The following PTN variants were observed in gnomAD, a reference collection of about 807,000 sequenced individuals.
PTN encodes the protein heparin affin regulatory protein.
PTN carries 18 observed loss-of-function variants against 24.1 expected under a neutral mutation model. The observed-to-expected ratio is 0.75, with a 90% CI of 0.52 to 1.11. The LOEUF is 1.11. Ranked by LOEUF, PTN falls within the 50% of genes least tolerant of loss-of-function variation. The probability of loss-of-function intolerance (pLI) is 0.00; values close to 1 mark genes in which losing one functional copy is unlikely to be tolerated. For synonymous variants in PTN, 78 were observed against 68.6 expected (o/e 1.14, Z -0.67); for missense variants, 163 against 198.8 (o/e 0.82, Z 1.08).
Position 137,315,762 on chromosome 7 carries a change from C to T in PTN, c.-2+27677G>A, listed in dbSNP as rs546875147. Among the ~76,000 whole-genome samples, 8 of 152,150 alleles carry T rather than the reference C, an allele frequency of 5.3e-5. No individual in the cohort carries two copies. In the East Asian group the frequency reaches 5.8e-4, roughly 11 times the overall value. The stretch of plus-strand genomic sequence containing the variant: ...CACTCCAGGGTAGAGCATAGAAGGG[C>T]GGCTTTGGAGCTGGGACACTAGAAT... On this transcript the variant is annotated intron_variant, in intron 1 of 4. Coordinates refer to ENST00000348225, the MANE Select transcript of PTN (RefSeq NM_002825.7).
intron 4 of PTN, among the ~76,000 whole-genome samples, chr7:137,240,305 T>C (rs189760243): frequency 1.3e-5 from 2 of 152,312 alleles, no homozygotes; most frequent in East Asian, 1.9e-4. Context: ...GTGTGCTCCA[T>C]TGCAGGCTCT....
intron 1 of PTN, among the ~76,000 whole-genome samples, chr7:137,258,153 G>A (rs1387437766): frequency 1.3e-5 from 2 of 152,006 alleles, no homozygotes; most frequent in African/African-American, 2.4e-5. Context: ...AAACACACAG[G>A]CCATAATTTC....
At chr7:137,283,876 G>C (rs1809510759) in intron 1 of PTN, among the ~76,000 whole-genome samples, 1 of 143,976 alleles carries the variant, frequency 6.9e-6, no homozygotes, top group South Asian at 2.2e-4. Flanking sequence ...CATACACATA[G>C]TCCTACTCAA....
Position 137,236,124 on chromosome 7 carries a change from T to C in PTN, c.452-8049A>G. The C allele has an allele frequency of 5.7e-6, 4 of 700,970 alleles. No homozygotes were observed. In the Admixed American group the frequency reaches 8.0e-5, roughly 14 times the overall value. The allele number at this position is 700,970 out of a possible 1,614,324, so 43.4% of individuals were successfully genotyped here. ...TAATAAAAGTCCCCAATATGTCAGT[T>C]ATTTTTCAAATCAACTCACCAGTTG... On this transcript the variant is annotated intron_variant, in intron 4 of 4. Transcript: ENST00000348225.
At chr7:137,330,768 G>T (rs1279159976) in intron 1 of PTN, among the ~76,000 whole-genome samples, 3 of 152,120 alleles carry the variant, frequency 2.0e-5, no homozygotes, top group African/African-American at 4.8e-5. Context: ...ACAAGAAGAG[G>T]ACCAGGTTTG....
At chr7:137,230,331 G>T (rs541372359) in intron 4 of PTN, among the ~76,000 whole-genome samples, 27 of 151,822 alleles carry the variant, frequency 1.8e-4, no homozygotes, top group African/African-American at 6.3e-4. Context: ...TTCCTTAATT[G>T]ACAACTTGCT....
Position 137,251,328 on chromosome 7 carries a change from C to A in PTN, c.353G>T (p.Arg118Ile). 1 of 1,614,116 alleles carries A rather than the reference C, an allele frequency of 6.2e-7. No homozygotes were observed. Among genetic ancestry groups the A allele is most frequent in the Non-Finnish European group, 8.5e-7 (1 of 1,180,004 alleles). The change falls in exon 4 of 5, where the codon AGA becomes ATA. Residue 118 changes from arginine (R) to isoleucine (I), a missense_variant. By Grantham distance (97) the Arg-to-Ile change is moderately conservative. Transcript: ENST00000348225. The part of the protein sequence containing the change: ...ECDLNTALKT[R>I]TGSLKRALHN... ...CAGGGCTCGCTTCAGACTTCCAGTT[C>A]TGGTCTTCAGGGCTGTGTTCAGGTC...
intron 1 of PTN, among the ~76,000 whole-genome samples, chr7:137,313,746 G>T (rs1180937967): frequency 6.6e-6 from 1 of 152,110 alleles, no homozygotes; most frequent in East Asian, 1.9e-4. Context: ...ATGAGGCAAG[G>T]TCCTCTCTTA....
chr7:137,316,939 T>G (rs1455722446), intron 1 of PTN, among the ~76,000 whole-genome samples: 3 of 152,162 alleles, frequency 2.0e-5, no homozygotes, highest in Admixed American at 2.0e-4. Context: ...CCCAGGCCCC[T>G]TAGTGGAACT....
intron 1 of PTN, among the ~76,000 whole-genome samples, chr7:137,266,462 T>A (rs191783092): frequency 2.6e-5 from 4 of 152,112 alleles, no homozygotes; most frequent in Non-Finnish European, 5.9e-5. Context: ...TTTGCATAAA[T>A]TTTTTTATAA....
intron 4 of PTN, among the ~76,000 whole-genome samples, chr7:137,238,838 A>G (rs1808570088): frequency 6.6e-6 from 1 of 152,216 alleles, no homozygotes; most frequent in Non-Finnish European, 1.5e-5. Context: ...TAAATAGGAT[A>G]CACTTTTACA....
chr7:137,329,992 A>T (rs974746478), intron 1 of PTN, among the ~76,000 whole-genome samples: 7 of 152,194 alleles, frequency 4.6e-5, no homozygotes, highest in African/African-American at 1.7e-4. Flanking sequence ...TCCACATGAA[A>T]ATAATGCCAG....
chr7:137,282,013 C>A (rs535825301), intron 1 of PTN, among the ~76,000 whole-genome samples: 1 of 152,198 alleles, frequency 6.6e-6, no homozygotes, highest in African/African-American at 2.4e-5. Context: ...CCAAACTACA[C>A]CTGTGCTCTC....
At chr7:137,281,456 C>A (rs1585027813) in intron 1 of PTN, among the ~76,000 whole-genome samples, 1 of 152,168 alleles carries the variant, frequency 6.6e-6, no homozygotes, top group Non-Finnish European at 1.5e-5. Context: ...CTCCTCAGAA[C>A]CCCTTGCTGT....
intron 1 of PTN, among the ~76,000 whole-genome samples, chr7:137,264,341 G>C (rs556661425): frequency 9.2e-5 from 14 of 152,246 alleles, no homozygotes; most frequent in African/African-American, 3.1e-4. Context: ...GTATATACTG[G>C]GAACAGTCCT....
chr7:137,335,612 C>G (rs907416739), intron 1 of PTN, among the ~76,000 whole-genome samples: 1 of 152,088 alleles, frequency 6.6e-6, no homozygotes, highest in Non-Finnish European at 1.5e-5. Flanking sequence ...AAAGAGAGGT[C>G]GCCAAGCTAG....
chr7:137,229,444 G>A (rs147156389), intron 4 of PTN, among the ~76,000 whole-genome samples: 1 of 151,774 alleles, frequency 6.6e-6, no homozygotes, highest in Non-Finnish European at 1.5e-5. Context: ...TAGAAATATT[G>A]TATATTTCTC....
At chr7:137,264,074 C>A (rs940054088) in intron 1 of PTN, among the ~76,000 whole-genome samples, 1 of 152,086 alleles carries the variant, frequency 6.6e-6, no homozygotes, top group Non-Finnish European at 1.5e-5. Context: ...CTTTTAGAAC[C>A]TAGAAATGAT....
At chr7:137,275,344 T>C (rs1034964041) in intron 1 of PTN, among the ~76,000 whole-genome samples, 1 of 152,202 alleles carries the variant, frequency 6.6e-6, no homozygotes, top group Non-Finnish European at 1.5e-5. Context: ...AAGTATGGTA[T>C]AGATGAGCTG....
Sources: allele counts gnomAD v4.1 joint callset (sites outside exome capture counted in the v4.1 genomes callset), GRCh38; gene constraint gnomAD v4.1.1; transcripts MANE v1.5; gene names NCBI Gene and HGNC (gene_info 2026-07-23, HGNC 2026-07-21).